The following RBFOX1 variants were observed in gnomAD, a reference collection of about 807,000 sequenced individuals.
The protein encoded by RBFOX1 is RNA binding protein fox-1 homolog 1.
RBFOX1 carries 8 observed loss-of-function variants against 57.7 expected under a neutral mutation model. The ratio of observed to expected loss-of-function variants is 0.14; its 90% CI spans 0.08 to 0.25. The LOEUF is 0.25. Among genes scored for constraint, RBFOX1 ranks in the 10% least tolerant of loss-of-function variants. The probability of loss-of-function intolerance (pLI) is 1.00; values close to 1 mark genes in which losing one functional copy is unlikely to be tolerated. For synonymous variants in RBFOX1, 326 were observed against 222.4 expected (o/e 1.47, Z -4.15); for missense variants, 611 against 548.5 (o/e 1.11, Z -1.14).
At chr16:7,087,478 A>G (rs1013679674) in intron 4 of RBFOX1, among the ~76,000 whole-genome samples, 6 of 151,836 alleles carry the variant, frequency 4.0e-5, no homozygotes, top group Non-Finnish European at 8.8e-5. Flanking sequence ...CTCATTAAAC[A>G]GCCAAACCAA....
chr16:7,348,440 A>T (rs1298938012), intron 4 of RBFOX1, among the ~76,000 whole-genome samples: 1 of 151,728 alleles, frequency 6.6e-6, no homozygotes, highest in East Asian at 1.9e-4. Context: ...TAGGTTTTTA[A>T]GACTAAGGTG....
intron 5 of RBFOX1, among the ~76,000 whole-genome samples, chr16:7,550,318 C>A (rs537811890): frequency 7.9e-5 from 12 of 151,866 alleles, no homozygotes; most frequent in Non-Finnish European, 1.5e-4. Context: ...TTTCTGGAAT[C>A]CTCTGCCCGT....
rs1384251660 is a variant in RBFOX1 at position 6,824,986 on chromosome 16, T to TTTTG, written c.-16+170339_-16+170340insGTTT. Among the ~76,000 whole-genome samples, 54 of 58,748 alleles carry TTTTG rather than the reference T, an allele frequency of 9.2e-4. 2 individuals are homozygous for TTTTG. Among genetic ancestry groups the TTTTG allele is most frequent in the Non-Finnish European group, 1.3e-3 (49 of 37,590 alleles). 38.5% of individuals were successfully genotyped at this position (58,748 alleles called of 152,430 possible). ...TTTCTTTTTTCTTTCTTTCTTGGTT[T>TTTTG]TTTTTTTTTTTTTTTTTTTTTTTTT... On this transcript the variant is annotated intron_variant, in intron 3 of 15. Coordinates refer to ENST00000550418, the MANE Select transcript of RBFOX1 (RefSeq NM_018723.4).
chr16:6,093,351 A>G lies in RBFOX1; in HGVS notation c.-127+73359A>G, dbSNP rs183331844. On this transcript the variant is annotated intron_variant, in intron 1 of 15. Coordinates refer to ENST00000550418, the MANE Select transcript of RBFOX1 (RefSeq NM_018723.4). ...CTACTTGGAAGGTTGAGGTGGGAAG[A>G]TCTGTTGAGACCAAGAATTCAAGGT... Among the ~76,000 whole-genome samples, 15 of 152,256 alleles carry G rather than the reference A, an allele frequency of 9.9e-5. No individual in the cohort carries two copies. The East Asian group carries it at 2.9e-3, about 29-fold the overall frequency.
chr16:7,202,929 C>G (rs1377294413), intron 4 of RBFOX1, among the ~76,000 whole-genome samples: 1 of 152,100 alleles, frequency 6.6e-6, no homozygotes, highest in Non-Finnish European at 1.5e-5. Context: ...CACTGTCACC[C>G]TGGCTGGAGT....
intron 3 of RBFOX1, among the ~76,000 whole-genome samples, chr16:6,755,722 C>T (rs1439009611): frequency 6.6e-6 from 1 of 152,134 alleles, no homozygotes; most frequent in Non-Finnish European, 1.5e-5. Flanking sequence ...TATGATTTCC[C>T]TGTTATTCAA....
chr16:6,198,186 C>T (rs2097192884), intron 1 of RBFOX1, among the ~76,000 whole-genome samples: 1 of 152,126 alleles, frequency 6.6e-6, no homozygotes, highest in Admixed American at 6.6e-5. Context: ...TAAGTGAAAA[C>T]ACAAGGATGA....
At chr16:6,719,222 T>G (rs1412624904) in intron 3 of RBFOX1, among the ~76,000 whole-genome samples, 1 of 152,022 alleles carries the variant, frequency 6.6e-6, no homozygotes, top group Non-Finnish European at 1.5e-5. Flanking sequence ...TTCACTACTT[T>G]CCTTCATAGT....
chr16:6,710,989 C>T (rs370675456), intron 3 of RBFOX1, among the ~76,000 whole-genome samples: 37 of 152,198 alleles, frequency 2.4e-4, no homozygotes, highest in African/African-American at 6.7e-4. Context: ...CTCTACTGAG[C>T]GGAAAAATGG....
At chr16:6,622,811 C>G (rs1020703966) in intron 2 of RBFOX1, among the ~76,000 whole-genome samples, 1 of 152,122 alleles carries the variant, frequency 6.6e-6, no homozygotes, top group African/African-American at 2.4e-5. Flanking sequence ...GAGCTGAGAA[C>G]TCATAACACA....
chr16:7,059,761 T>TG (rs1379895458), intron 4 of RBFOX1, among the ~76,000 whole-genome samples: 3 of 152,176 alleles, frequency 2.0e-5, no homozygotes, highest in Non-Finnish European at 2.9e-5. Context: ...CTTCACCCGT[T>TG]GCAGTGTCTG....
chr16:6,824,741 A>G (rs2091877097), intron 3 of RBFOX1, among the ~76,000 whole-genome samples: 1 of 152,088 alleles, frequency 6.6e-6, no homozygotes, highest in Admixed American at 6.6e-5. Context: ...AAAAGTCCAA[A>G]AGCTTTCTTT....
At chr16:7,189,649 TC>T (rs575024031) in intron 4 of RBFOX1, among the ~76,000 whole-genome samples, 56 of 152,070 alleles carry the variant, frequency 3.7e-4, no homozygotes, top group Non-Finnish European at 7.4e-4. Flanking sequence ...TATCTCATTT[TC>T]CCTTCATTTG....
At chr16:7,365,905 G>A (rs2097434746) in intron 4 of RBFOX1, among the ~76,000 whole-genome samples, 1 of 152,124 alleles carries the variant, frequency 6.6e-6, no homozygotes, top group African/African-American at 2.4e-5. Context: ...TCCTTTCTTT[G>A]TGTCAGTTTC....
chr16:5,992,071 A>G (rs1462662075), intron 4 of RBFOX1, among the ~76,000 whole-genome samples: 1 of 152,240 alleles, frequency 6.6e-6, no homozygotes. Context: ...ATGTAAGGAG[A>G]GATGAACTGT....
intron 3 of RBFOX1, among the ~76,000 whole-genome samples, chr16:7,018,609 G>A (rs964442135): frequency 6.6e-6 from 1 of 151,930 alleles, no homozygotes; most frequent in Admixed American, 6.6e-5. Flanking sequence ...GGGATGACTG[G>A]GTCAAATGTT....
intron 1 of RBFOX1, among the ~76,000 whole-genome samples, chr16:6,106,918 T>A (rs761656265): frequency 1.3e-5 from 2 of 151,952 alleles, no homozygotes; most frequent in African/African-American, 4.8e-5. Flanking sequence ...TGATCTGCCC[T>A]CCTTGGCCTC....
At chr16:7,397,855 T>C (rs1033376984) in intron 4 of RBFOX1, among the ~76,000 whole-genome samples, 10 of 152,180 alleles carry the variant, frequency 6.6e-5, no homozygotes, top group Non-Finnish European at 2.9e-5. Flanking sequence ...ATAAACCTCT[T>C]AGTCTATTGG....
At chr16:6,923,675 C>G (rs1597346328) in intron 3 of RBFOX1, among the ~76,000 whole-genome samples, 1 of 152,188 alleles carries the variant, frequency 6.6e-6, no homozygotes, top group Non-Finnish European at 1.5e-5. Flanking sequence ...ACACCCTTTA[C>G]TCTTTACCCC....
Sources: allele counts gnomAD v4.1 joint callset (sites outside exome capture counted in the v4.1 genomes callset), GRCh38; gene constraint gnomAD v4.1.1; transcripts MANE v1.5; gene names NCBI Gene and HGNC (gene_info 2026-07-23, HGNC 2026-07-21).